Variants in TOP2B observed in about 807,000 individuals in gnomAD.
TOP2B encodes DNA topoisomerase II beta, also known as DNA topoisomerase 2-beta.
Under a neutral mutation model 193.5 loss-of-function variants are expected in TOP2B, and 51 were observed. That is an observed-to-expected ratio of 0.26 (90% CI 0.21 to 0.33). The LOEUF is 0.33. TOP2B is among the 10% of genes least tolerant of loss of function. TOP2B has a pLI of 1.00. For synonymous variants in TOP2B, 634 were observed against 635.7 expected, an observed-to-expected ratio of 1.00 and a Z score of 0.04; for missense variants, 1,378 against 1,909.3, an observed-to-expected ratio of 0.72 and a Z score of 5.19.
chr3:25,632,266 T>C (rs3736604), intron 10 of TOP2B, among the ~76,000 whole-genome samples, 180 bp downstream of exon 10: 17,620 of 152,042 alleles, frequency 0.12, 1,354 homozygotes, highest in Middle Eastern at 0.22. Flanking sequence ...ACAATTGTTT[T>C]AGGAAACATT....
rs370638500 is a variant in TOP2B, at chr3:25,629,104, G to A, written c.1731C>T (p.Phe577=). 102 of 1,604,082 alleles carry A rather than the reference G, an allele frequency of 6.4e-5. No individual in the cohort carries two copies. In the African/African-American group the frequency reaches 8.6e-4, roughly 13 times the overall value. The change falls in exon 14 of 36, where the codon TTC becomes TTT. Residue 577 remains phenylalanine, a synonymous_variant. Transcript: ENST00000264331. ...GSHIKGLLIN[F]IHHNWPSLLK... ...AAAGTGATGGCCAATTGTGATGGAT[G>A]AAATTAATAAGCAGGCCTTTTATGT... is the stretch of plus-strand genomic sequence containing the variant.
Position 25,630,065 on chromosome 3 carries a change from G to C in TOP2B, c.1653C>G (p.Thr551=). The C allele has an allele frequency of 6.2e-7, 1 of 1,608,732 alleles. No homozygotes were observed. The highest frequency in any genetic ancestry group is 8.5e-7 in the Non-Finnish European group (1 of 1,177,648). ...TAATCATAATCTTTCCATAGCGTAA[G>C]GTTTTCAGAGATTCTGCATCATCGT... ...KSYDDAESLK[T]LRYGKIMIMT... is the part of the protein sequence containing the mutation. The change falls in exon 13 of 36, where the codon ACC becomes ACG. Residue 551 remains threonine (T), a synonymous_variant. Transcript: ENST00000264331.
intron 1 of TOP2B, among the ~76,000 whole-genome samples, chr3:25,655,801 T>C (rs1411901484): frequency 1.3e-5 from 2 of 152,092 alleles, no homozygotes; most frequent in Admixed American, 6.6e-5. Flanking sequence ...TACTGTATGA[T>C]TACAATCATA....
intron 1 of TOP2B, among the ~76,000 whole-genome samples, chr3:25,650,468 G>T (rs1008956930): frequency 2.6e-5 from 4 of 152,124 alleles, no homozygotes; most frequent in African/African-American, 9.7e-5. Flanking sequence ...TTCATTTCCT[G>T]CTACAATTAT....
intron 19 of TOP2B, 92 bp from the exon 20 acceptor site, chr3:25,624,537 A>C: frequency 6.5e-7 from 1 of 1,543,970 alleles, no homozygotes; most frequent in East Asian, 2.3e-5. Context: ...GTGAAGAATA[A>C]AGGCTTTAGA....
In TOP2B at chr3:25,598,096, C is replaced by CCAAT. The variant is rs938468884; in HGVS notation, c.*207_*210dup. The CCAAT allele has an allele frequency of 1.1e-4, 45 of 398,158 alleles. No individual in the cohort carries two copies. Among genetic ancestry groups the CCAAT allele is most frequent in the African/African-American group, 5.6e-4 (27 of 48,564 alleles). 24.7% of individuals were successfully genotyped at this position (398,158 alleles called of 1,614,324 possible). Reference sequence around the variant, plus strand: ...CGGCAGTCTATAACAATTCTACAAGCCAATCAGACAGTACGTGACATTTCA... The same window carrying CCAAT: ...CGGCAGTCTATAACAATTCTACAAGCCAATCAATCAGACAGTACGTGACATTTCA... On this transcript the variant is annotated 3_prime_UTR_variant, in exon 36 of 36. Transcript: ENST00000264331.
At chr3:25,657,355 GGCCT>G (rs1462585897) in intron 1 of TOP2B, among the ~76,000 whole-genome samples, 1 of 152,040 alleles carries the variant, frequency 6.6e-6, no homozygotes, top group African/African-American at 2.4e-5. Flanking sequence ...AACCACCTTT[GGCCT>G]TAGAAGAGAG....
intron 2 of TOP2B, 138 bp from the exon 3 acceptor site, chr3:25,643,922 A>T: frequency 1.7e-6 from 1 of 577,218 alleles, no homozygotes; most frequent in Admixed American, 2.8e-5. Context: ...AACTTCAGTA[A>T]TAGTCAACTT....
intron 34 of TOP2B, among the ~76,000 whole-genome samples, chr3:25,600,240 G>A (rs944644973): frequency 6.6e-6 from 1 of 151,778 alleles, no homozygotes; most frequent in African/African-American, 2.4e-5. Context: ...CCACAATGAT[G>A]CCAATGAAAT....
intron 1 of TOP2B, among the ~76,000 whole-genome samples, chr3:25,646,629 A>G (rs1703422371): frequency 6.6e-6 from 1 of 152,224 alleles, no homozygotes; most frequent in Non-Finnish European, 1.5e-5. Context: ...GAGAATTAAA[A>G]TATCTTCAGA....
chr3:25,626,240 A>T (rs1330814870), intron 18 of TOP2B, among the ~76,000 whole-genome samples: 1 of 152,186 alleles, frequency 6.6e-6, no homozygotes, highest in African/African-American at 2.4e-5. Flanking sequence ...AATATTTTAG[A>T]AATTATCAAA....
intron 5 of TOP2B, 68 bp from the exon 6 acceptor site, chr3:25,637,380 C>T (rs933560810): frequency 1.7e-6 from 2 of 1,173,680 alleles, no homozygotes; most frequent in Non-Finnish European, 1.2e-6. Context: ...TAATTTACCA[C>T]CATACGGCAA....
chr3:25,598,090 TACAAGCCAATCAG>T lies in TOP2B; in HGVS notation c.*204_*216del. ...AATGCACGGCAGTCTATAACAATTC[TACAAGCCAATCAG>T]ACAGTACGTGACATTTCAATGAGTA... On this transcript the variant is annotated 3_prime_UTR_variant, in exon 36 of 36. Transcript: ENST00000264331. 5.2e-6 allele frequency: 2 copies of T among 387,742 alleles called. No homozygotes were observed. Among genetic ancestry groups the T allele is most frequent in the Non-Finnish European group, 9.1e-6 (2 of 220,356 alleles). The allele number at this position is 387,742 out of a possible 1,614,324, so 24.0% of individuals were successfully genotyped here.
chr3:25,614,748 A>G (rs961474707), intron 27 of TOP2B, among the ~76,000 whole-genome samples: 5 of 152,058 alleles, frequency 3.3e-5, no homozygotes, highest in African/African-American at 1.2e-4. Context: ...TGTGCTTTTT[A>G]TATCTCTACA....
chr3:25,610,592 G>A (rs1702345226), intron 28 of TOP2B, among the ~76,000 whole-genome samples: 1 of 152,164 alleles, frequency 6.6e-6, no homozygotes, highest in South Asian at 2.1e-4. Context: ...TAGAACTCAA[G>A]GAAAAGTGAG....
chr3:25,632,626 T>C (rs771196582), intron 9 of TOP2B, 43 bp from the exon 10 acceptor site: 1 of 1,603,682 alleles, frequency 6.2e-7, no homozygotes, highest in South Asian at 1.1e-5. Context: ...AGAGCTGATA[T>C]TTAGTAATTC....
At chr3:25,627,362 A>C (rs1702830898) in intron 15 of TOP2B, 66 bp from the exon 16 acceptor site, 2 of 1,049,890 alleles carry the variant, frequency 1.9e-6, no homozygotes, top group Non-Finnish European at 2.8e-6. Flanking sequence ...ATCAAGTAAA[A>C]AGCTGGTGGA....
intron 4 of TOP2B, among the ~76,000 whole-genome samples, chr3:25,641,835 T>C (rs1160035758): frequency 6.6e-6 from 1 of 152,170 alleles, no homozygotes; most frequent in East Asian, 1.9e-4. Flanking sequence ...GATTTAATGC[T>C]ACTATTTTTT....
At chr3:25,642,136 G>A (rs1242686046) in intron 4 of TOP2B, among the ~76,000 whole-genome samples, 186 bp downstream of exon 4, 3 of 152,062 alleles carry the variant, frequency 2.0e-5, no homozygotes, top group East Asian at 1.9e-4. Context: ...CAAGAGCCCC[G>A]ATAGGGAAGT....
Sources: gnomAD v4.1 joint callset for allele counts (sites outside exome capture counted in the v4.1 genomes callset) on GRCh38, gnomAD v4.1.1 for gene constraint, MANE v1.5 for transcripts, NCBI Gene and HGNC (gene_info 2026-07-23, HGNC 2026-07-21) for gene names.